Variants in SUGP2 observed in about 807,000 individuals in gnomAD.
SUGP2 encodes SURP and G-patch domain-containing protein 2.
In SUGP2, 24 loss-of-function variants were observed where a neutral mutation model predicts 90.5. The ratio of observed to expected loss-of-function variants is 0.27; its 90% CI spans 0.19 to 0.37. The LOEUF (loss-of-function observed/expected upper bound fraction) is 0.37, where lower values mean the gene tolerates loss of function less well. Among genes scored for constraint, SUGP2 ranks in the 10% least tolerant of loss-of-function variants. SUGP2 has a pLI of 1.00. For missense variants in SUGP2, 1,233 were observed against 1,363.3 expected, an observed-to-expected ratio of 0.90 and a Z score of 1.51; for synonymous variants, 473 against 513.4, an observed-to-expected ratio of 0.92 and a Z score of 1.06.
chr19:19,009,730 C>A, intron 5 of SUGP2, 125 bp downstream of exon 5: 2 of 1,270,094 alleles, frequency 1.6e-6, no homozygotes, highest in Non-Finnish European at 2.2e-6. Context: ...TTGTCCTGGC[C>A]AGGTCCCTAG....
chr19:19,018,593 AG>A (rs768497055), intron 4 of SUGP2, among the ~76,000 whole-genome samples: 22 of 148,748 alleles, frequency 1.5e-4, no homozygotes, highest in Non-Finnish European at 3.0e-4. Flanking sequence ...AGGCTGAGGC[AG>A]GACAAAGGCA....
intron 8 of SUGP2, 37 bp from the exon 9 acceptor site, chr19:18,995,317 G>A (rs1430398754): frequency 6.4e-7 from 1 of 1,559,990 alleles, no homozygotes; most frequent in Non-Finnish European, 8.7e-7. Flanking sequence ...GTGGGCCACA[G>A]GGAGATGCCT....
At chr19:19,008,459 A>T in intron 5 of SUGP2, 31 bp from the exon 6 acceptor site, 1 of 1,552,918 alleles carries the variant, frequency 6.4e-7, no homozygotes. Context: ...GTCAGGCATG[A>T]CTCCTGAGCT....
In SUGP2 at chr19:19,004,457, C is replaced by T. The variant is rs114914862; in HGVS notation, c.2640G>A (p.Pro880=). ...CTGGGCTCTCCAGCTCAGCCTCCCG[C>T]GGAGGGGGCTCGTCTTCAAACTCTG... is the stretch of plus-strand genomic sequence containing the variant. The part of the protein sequence containing the change: ...GEAEFEDEPP[P]REAELESPEV... Residue 880 remains proline (P), a synonymous_variant, in exon 7 of 11, where the codon CCG becomes CCA. Transcript: ENST00000452918. 1.8e-3 allele frequency: 2,880 copies of T among 1,614,192 alleles called. 35 individuals carry two copies. In the African/African-American group the frequency reaches 0.029, roughly 16 times the overall value.
chr19:19,031,184 G>T, intron 1 of SUGP2, 102 bp from the exon 2 acceptor site: 1 of 1,256,362 alleles, frequency 8.0e-7, no homozygotes, highest in Non-Finnish European at 1.1e-6. Context: ...GAGGTGGGCG[G>T]ATCACCTGAG....
intron 3 of SUGP2, among the ~76,000 whole-genome samples, chr19:19,022,742 G>A (rs975694721): frequency 5.9e-5 from 9 of 152,148 alleles, no homozygotes; most frequent in Admixed American, 3.9e-4. Flanking sequence ...TAAGCCCTGA[G>A]CCTACTTCTG....
intron 3 of SUGP2, among the ~76,000 whole-genome samples, 190 bp from the exon 4 acceptor site, chr19:19,019,419 TAA>T: frequency 6.6e-6 from 1 of 152,162 alleles, no homozygotes; most frequent in Non-Finnish European, 1.5e-5. Context: ...CTAAAAAATG[TAA>T]CAGTATAACC....
chr19:19,009,259 C>G (rs2058208628), intron 5 of SUGP2, among the ~76,000 whole-genome samples: 1 of 152,166 alleles, frequency 6.6e-6, no homozygotes, highest in Admixed American at 6.5e-5. Context: ...CACGACACAG[C>G]AACACCTAAA....
In SUGP2 at chr19:19,025,459, T is replaced by C. The variant is rs752986387; in HGVS notation, c.889A>G (p.Lys297Glu). Reference protein sequence around the residue: ...GTEDIQFPIQKIPLGLDLKNL... With the variant: ...GTEDIQFPIQEIPLGLDLKNL... ...TTCAGATCCAGCCCCAGAGGGATCT[T>C]CTGAATGGGGAACTGGATATCTTCT... Residue 297 changes from lysine (K) to glutamate (E), a missense_variant, in exon 3 of 11, where the codon AAG becomes GAG. This residue lies in a region of SUGP2 where 418 missense variants were observed against 399.9 expected (regional missense o/e 1.05). Transcript: ENST00000452918. 1.9e-6 allele frequency: 3 copies of C among 1,614,206 alleles called. No homozygotes were observed. The South Asian group carries it at 3.3e-5, about 18-fold the overall frequency.
chr19:19,001,694 G>GACACAT lies in SUGP2; in HGVS notation c.2930-26_2930-21dup. On this transcript the variant is annotated intron_variant, in intron 7 of 10. Coordinates refer to ENST00000452918, the MANE Select transcript of SUGP2 (RefSeq NM_001017392.5). The stretch of plus-strand genomic sequence containing the variant: ...CATGGACTAGAAGACAAAAGAAAGA[G>GACACAT]ACACATACACATACATGTGCTTTTC... 1 of 1,613,356 alleles carries GACACAT rather than the reference G, an allele frequency of 6.2e-7. No individual in the cohort carries two copies. The highest frequency in any genetic ancestry group is 8.5e-7 in the Non-Finnish European group (1 of 1,179,266).
intron 4 of SUGP2, among the ~76,000 whole-genome samples, chr19:19,015,568 A>G (rs1406865792): frequency 6.6e-6 from 1 of 152,034 alleles, no homozygotes; most frequent in Non-Finnish European, 1.5e-5. Flanking sequence ...CAGTGGTGCG[A>G]TCTTGGCTCA....
chr19:19,019,781 T>C (rs909216397), intron 3 of SUGP2, among the ~76,000 whole-genome samples: 1 of 149,680 alleles, frequency 6.7e-6, no homozygotes. Context: ...AAAAAAAACT[T>C]GTGTTTTGTA....
Position 19,017,309 on chromosome 19 carries a change from C to T in SUGP2, c.1850+1800G>A, listed in dbSNP as rs574512788. Among the ~76,000 whole-genome samples the T allele has an allele frequency of 3.3e-5, 5 of 152,322 alleles. 1 individual carries two copies. The South Asian group carries it at 1.0e-3, about 32-fold the overall frequency. On this transcript the variant is annotated intron_variant, in intron 4 of 10. Transcript: ENST00000452918. ...AAACATCAATGGTCTCCATCAGGGG[C>T]AGCTCTGCCTGCCATGGGACACCAG...
chr19:19,022,861 AG>A (rs1414062882), intron 3 of SUGP2, among the ~76,000 whole-genome samples: 6 of 152,186 alleles, frequency 3.9e-5, no homozygotes, highest in African/African-American at 1.4e-4. Context: ...AAAGAAAGTC[AG>A]GAACAAATGA....
At position 19,010,081 on chromosome 19, in the gene SUGP2, T is replaced by C. The variant is rs777475104; in HGVS notation, c.2112A>G (p.Leu704=). Residue 704 remains leucine (L), a synonymous_variant, in exon 5 of 11, where the codon CTA becomes CTG. Coordinates refer to ENST00000452918, the MANE Select transcript of SUGP2 (RefSeq NM_001017392.5). ...RRATTGTQTL[L]SSGTRLKHHG... is the part of the protein sequence containing the mutation. ...GGTGTTTCAGCCTGGTGCCTGAGGA[T>C]AGGAGGGTCTGGGTCCCGGTGGTCG... The C allele has an allele frequency of 2.5e-6, 4 of 1,612,518 alleles. No individual in the cohort carries two copies. The highest frequency in any genetic ancestry group is 2.2e-5 in the East Asian group (1 of 44,716).
At chr19:19,014,397 G>T (rs1215218099) in intron 4 of SUGP2, among the ~76,000 whole-genome samples, 1 of 152,146 alleles carries the variant, frequency 6.6e-6, no homozygotes, top group Non-Finnish European at 1.5e-5. Flanking sequence ...TGCTTGTGGG[G>T]TGTGAGGGTG....
intron 3 of SUGP2, among the ~76,000 whole-genome samples, chr19:19,023,474 T>C (rs946873938): frequency 4.6e-5 from 7 of 152,188 alleles, no homozygotes; most frequent in Non-Finnish European, 7.4e-5. Context: ...ATTTCAGACA[T>C]ATGCTACCAC....
Position 18,995,166 on chromosome 19 carries a change from C to T in SUGP2, c.3106G>A (p.Gly1036Ser), listed in dbSNP as rs187403091. 9 of 1,613,360 alleles carry T rather than the reference C, an allele frequency of 5.6e-6. No individual in the cohort carries two copies. Among genetic ancestry groups the T allele is most frequent in the Non-Finnish European group, 7.6e-6 (9 of 1,180,028 alleles). ...TACACGCTGACCGGCTCCCTGATGCCCTTTCCGAGGGAGCCCAGGCCATGG... is the reference window on the plus strand; with the variant it reads ...TACACGCTGACCGGCTCCCTGATGCTCTTTCCGAGGGAGCCCAGGCCATGG... ...EGHGLGSLGK[G>S]IREPVSVGTP... The change falls in exon 9 of 11, where the codon GGC (glycine) becomes AGC (serine). Residue 1036 changes from glycine to serine, a missense_variant. By Grantham distance (56) the Gly-to-Ser change is moderately conservative. Transcript: ENST00000452918.
intron 2 of SUGP2, among the ~76,000 whole-genome samples, chr19:19,030,585 A>G (rs904061373): frequency 2.0e-5 from 3 of 152,192 alleles, no homozygotes; most frequent in African/African-American, 7.2e-5. Flanking sequence ...ATATCCAGTG[A>G]GAAGCTCCAG....
Sources: allele counts gnomAD v4.1 joint callset (sites outside exome capture counted in the v4.1 genomes callset), GRCh38; gene constraint gnomAD v4.1.1; regional missense constraint gnomAD v4.1.1; transcripts MANE v1.5; gene names NCBI Gene and HGNC (gene_info 2026-07-23, HGNC 2026-07-21).